The following PTPRE variants were observed in gnomAD, a reference collection of about 807,000 sequenced individuals.
The protein encoded by PTPRE is protein tyrosine phosphatase receptor type E.
A neutral mutation model predicts 102.0 loss-of-function variants in PTPRE; 51 were observed. The observed-to-expected ratio is 0.50, with a 90% CI of 0.40 to 0.63. The LOEUF (loss-of-function observed/expected upper bound fraction) is 0.63, where lower values mean the gene tolerates loss of function less well. Ranked by LOEUF, PTPRE falls within the 30% of genes least tolerant of loss-of-function variation. PTPRE has a pLI of 0.00. For synonymous variants in PTPRE, 345 were observed against 348.2 expected (o/e 0.99, Z 0.10); for missense variants, 752 against 915.1 (o/e 0.82, Z 2.30).
chr10:128,005,327 G>A (rs1010724755), intron 2 of PTPRE, among the ~76,000 whole-genome samples: 1 of 152,074 alleles, frequency 6.6e-6, no homozygotes, highest in East Asian at 1.9e-4. Flanking sequence ...CCACCCTTCC[G>A]TATACCCAGA....
rs573025187 is a variant in PTPRE, at chr10:127,933,732, G to A, written c.-31+26423G>A. On this transcript the variant is annotated intron_variant, in intron 1 of 20. Coordinates refer to ENST00000254667, the MANE Select transcript of PTPRE (RefSeq NM_006504.6). ...AACATACATCATTATTTTCCTCCAT[G>A]CAGTTGTCCAGGGTGACCTCTCTTA... Among the ~76,000 whole-genome samples, 58 of 152,232 alleles carry A rather than the reference G, an allele frequency of 3.8e-4. 1 individual carries two copies. The highest frequency in any genetic ancestry group is 1.4e-3 in the African/African-American group (57 of 41,510).
At chr10:127,955,506 T>G (rs1032553743) in intron 1 of PTPRE, among the ~76,000 whole-genome samples, 2 of 152,240 alleles carry the variant, frequency 1.3e-5, no homozygotes, top group African/African-American at 2.4e-5. Context: ...TGTGTATAGA[T>G]GCATATAGTA....
At chr10:127,938,537 G>C (rs1262138542) in intron 1 of PTPRE, among the ~76,000 whole-genome samples, 2 of 152,066 alleles carry the variant, frequency 1.3e-5, no homozygotes, top group South Asian at 2.1e-4. Flanking sequence ...TGAGTACAAG[G>C]CTAGCTTGGG....
At chr10:127,953,990 A>C (rs1849223622) in intron 1 of PTPRE, among the ~76,000 whole-genome samples, 2 of 152,246 alleles carry the variant, frequency 1.3e-5, no homozygotes, top group Non-Finnish European at 1.5e-5. Flanking sequence ...AATTTGAGGA[A>C]GAGGTATGTG....
chr10:127,991,210 C>T (rs920474792), intron 2 of PTPRE, among the ~76,000 whole-genome samples: 6 of 152,190 alleles, frequency 3.9e-5, no homozygotes, highest in African/African-American at 1.2e-4. Context: ...TGAGCAAGAT[C>T]GAATTCAAAG....
intron 1 of PTPRE, among the ~76,000 whole-genome samples, chr10:127,950,027 C>A (rs1848904986): frequency 1.3e-5 from 2 of 152,042 alleles, no homozygotes; most frequent in South Asian, 4.1e-4. Flanking sequence ...TCTGGACCCG[C>A]CCCCACCAAC....
Position 128,066,084 on chromosome 10 carries a change from C to T in PTPRE, c.733C>T (p.His245Tyr). ...NLKERKEEKC[H>Y]QYWPDQGCWT... ...AAATTGTTCCGTGCAGGAAAAGTGC[C>T]ATCAGTACTGGCCCGACCAAGGCTG... The change falls in exon 11 of 21, where the codon CAT (histidine) becomes TAT (tyrosine). Residue 245 changes from histidine (H) to tyrosine (Y), a missense_variant. Coordinates refer to ENST00000254667, the MANE Select transcript of PTPRE (RefSeq NM_006504.6). 6.2e-7 allele frequency: 1 copy of T among 1,614,184 alleles called. No homozygotes were observed. Among genetic ancestry groups the T allele is most frequent in the Non-Finnish European group, 8.5e-7 (1 of 1,180,038 alleles).
In PTPRE at chr10:128,083,169, C is replaced by A. The variant is rs1157624952; in HGVS notation, c.*263C>A. The A allele has an allele frequency of 4.2e-6, 1 of 237,984 alleles. No homozygotes were observed. Among genetic ancestry groups the A allele is most frequent in the Admixed American group, 5.7e-5 (1 of 17,410 alleles). The allele number at this position is 237,984 out of a possible 1,614,324, so 14.7% of individuals were successfully genotyped here. A position where few individuals can be genotyped will look rare whatever the true frequency, so the allele number is the denominator to read the frequency against. ...AAATATCTTAATTTTTCATTAGATT[C>A]ATATCATTTAATTTCACATATTCAA... On this transcript the variant is annotated 3_prime_UTR_variant, in exon 21 of 21. Transcript: ENST00000254667.
chr10:127,911,729 C>T (rs1845881536), intron 1 of PTPRE, among the ~76,000 whole-genome samples: 1 of 152,192 alleles, frequency 6.6e-6, no homozygotes, highest in Admixed American at 6.5e-5. Context: ...AGCATTTGGG[C>T]CACGTGTCTC....
intron 1 of PTPRE, among the ~76,000 whole-genome samples, chr10:127,971,452 G>A (rs896764160): frequency 6.6e-6 from 1 of 152,192 alleles, no homozygotes; most frequent in Non-Finnish European, 1.5e-5. Context: ...CACACTATGT[G>A]GAGGAGTCGG....
At chr10:128,073,682 C>T (rs946479738) in intron 17 of PTPRE, among the ~76,000 whole-genome samples, 13 of 152,234 alleles carry the variant, frequency 8.5e-5, no homozygotes, top group African/African-American at 3.1e-4. Flanking sequence ...TAGCTACCCG[C>T]TGCCCTTTAT....
At chr10:127,973,049 A>T (rs546124191) in intron 1 of PTPRE, among the ~76,000 whole-genome samples, 1 of 152,370 alleles carries the variant, frequency 6.6e-6, no homozygotes, top group South Asian at 2.1e-4. Flanking sequence ...TTCTAGGTAG[A>T]CAAAACAGAA....
chr10:128,070,309 C>T lies in PTPRE; in HGVS notation c.1152C>T (p.Tyr384=). 1.2e-6 allele frequency: 2 copies of T among 1,610,132 alleles called. No homozygotes were observed. Among genetic ancestry groups the T allele is most frequent in the Non-Finnish European group, 1.7e-6 (2 of 1,178,172 alleles). ...RPQMVQTDMQ[Y]TFIYQALLEY... ...CCCTGGCCTCTCTGCAGATGCAGTA[C>T]ACGTTCATCTACCAAGCCTTACTCG... Residue 384 remains tyrosine (Y), a synonymous_variant, in exon 14 of 21, where the codon TAC becomes TAT. Coordinates refer to ENST00000254667, the MANE Select transcript of PTPRE (RefSeq NM_006504.6). The surrounding 1 kb of genome is among the most constrained non-coding windows in gnomAD (Gnocchi z 4.8).
chr10:128,082,213 T>C (rs1851784356), intron 20 of PTPRE, among the ~76,000 whole-genome samples: 1 of 136,094 alleles, frequency 7.3e-6, no homozygotes, highest in African/African-American at 2.9e-5. Flanking sequence ...TTTTTTTTTT[T>C]TTTTTTTTTT....
intron 2 of PTPRE, among the ~76,000 whole-genome samples, chr10:128,021,718 G>A (rs989858609): frequency 1.3e-5 from 2 of 152,208 alleles, no homozygotes; most frequent in African/African-American, 4.8e-5. Context: ...GTGCCCCGGA[G>A]TCTCACCACA....
intron 2 of PTPRE, among the ~76,000 whole-genome samples, chr10:128,035,300 A>C (rs1249017502): frequency 3.5e-5 from 5 of 144,872 alleles, no homozygotes; most frequent in African/African-American, 1.3e-4. Flanking sequence ...CACACACACA[A>C]AATATGTTAT....
In PTPRE at chr10:128,039,790, T is replaced by TG. The variant is rs201814783; in HGVS notation, c.-7-1078dup. ...TGGACGGGGTTCAGGGGGTGGGGAGTGGGGGGGCCACACCTCCACTGCATG... is the reference window on the plus strand; with the variant it reads ...TGGACGGGGTTCAGGGGGTGGGGAGTGGGGGGGGCCACACCTCCACTGCATG... On this transcript the variant is annotated intron_variant, in intron 2 of 20. Coordinates refer to ENST00000254667, the MANE Select transcript of PTPRE (RefSeq NM_006504.6). 7.8e-3 allele frequency among the ~76,000 whole-genome samples: 895 copies of TG among 114,574 alleles called. 23 individuals carry two copies. The East Asian group carries it at 0.14, about 18-fold the overall frequency. The allele number at this position is 114,574 out of a possible 152,430, so 75.2% of individuals were successfully genotyped here.
chr10:127,967,090 C>T (rs1014689384), intron 1 of PTPRE, among the ~76,000 whole-genome samples: 2 of 152,220 alleles, frequency 1.3e-5, no homozygotes, highest in Non-Finnish European at 2.9e-5. Flanking sequence ...TCTCTCCATG[C>T]TCATGGTCAT....
chr10:128,049,042 T>G lies in PTPRE; in HGVS notation c.284-488T>G, dbSNP rs187383520. Among the ~76,000 whole-genome samples the G allele has an allele frequency of 1.7e-3, 254 of 152,248 alleles. 9 individuals are homozygous for G. Among genetic ancestry groups the G allele is most frequent in the Admixed American group, 0.014 (213 of 15,294 alleles). On this transcript the variant is annotated intron_variant, in intron 5 of 20. Coordinates refer to ENST00000254667, the MANE Select transcript of PTPRE (RefSeq NM_006504.6). ...TCCCCAGACAAGGGTGGTTTTCCCT[T>G]GGAGCTTATGGGGTTTGAGGAACCA...
Sources: allele counts gnomAD v4.1 joint callset (sites outside exome capture counted in the v4.1 genomes callset), GRCh38; gene constraint gnomAD v4.1.1; non-coding constraint Gnocchi (gnomAD v3.1); transcripts MANE v1.5; gene names NCBI Gene and HGNC (gene_info 2026-07-23, HGNC 2026-07-21).